SATB2: variants seen among roughly 807,000 people sequenced by gnomAD.
SATB2 encodes DNA-binding protein SATB2.
SATB2 carries 1 observed loss-of-function variant against 73.4 expected under a neutral mutation model. The observed-to-expected ratio is 0.01, with a 90% confidence interval of 0.00 to 0.06. SATB2 has a LOEUF of 0.06. SATB2 is among the 10% of genes least tolerant of loss of function. The pLI, the probability that SATB2 is intolerant of heterozygous loss-of-function variation, is 1.00. For synonymous variants in SATB2, 397 were observed against 367.0 expected (o/e 1.08, Z -0.93); for missense variants, 459 against 945.8 (o/e 0.49, Z 6.75).
intron 6 of SATB2, among the ~76,000 whole-genome samples, chr2:199,367,312 G>A (rs1000302467): frequency 2.0e-5 from 3 of 152,120 alleles, no homozygotes; most frequent in African/African-American, 7.2e-5. Context: ...AAGAATTTTA[G>A]AGTCTGTTGA....
intron 10 of SATB2, among the ~76,000 whole-genome samples, chr2:199,294,655 T>C (rs940261066): frequency 5.9e-5 from 9 of 152,302 alleles, no homozygotes; most frequent in African/African-American, 2.2e-4. Flanking sequence ...CTTGCCAGTC[T>C]TCTCTTACCA....
At chr2:199,461,454 A>G (rs1692475834), upstream of SATB2, among the ~76,000 whole-genome samples, 1 of 152,218 alleles carries the variant, frequency 6.6e-6, no homozygotes, top group Admixed American at 6.5e-5. Context: ...TATCCCTCAA[A>G]AGGTTTATTT....
At chr2:199,411,333 G>C (rs931389225) in intron 3 of SATB2, among the ~76,000 whole-genome samples, 1 of 151,994 alleles carries the variant, frequency 6.6e-6, no homozygotes, top group African/African-American at 2.4e-5. Flanking sequence ...TATGCATGAC[G>C]ATCCCCCTTA....
At chr2:199,338,810 G>A (rs575290102) in intron 7 of SATB2, among the ~76,000 whole-genome samples, 1 of 151,854 alleles carries the variant, frequency 6.6e-6, no homozygotes, top group Admixed American at 6.6e-5. Flanking sequence ...CCAGCTACTC[G>A]GGAGGCTGAG....
chr2:199,358,536 T>A (rs928360444), intron 6 of SATB2, among the ~76,000 whole-genome samples: 1 of 152,158 alleles, frequency 6.6e-6, no homozygotes, highest in Non-Finnish European at 1.5e-5. Flanking sequence ...CTAAATTTGT[T>A]CAAGAGAATT....
At chr2:199,372,066 T>C (rs2081775088) in intron 5 of SATB2, among the ~76,000 whole-genome samples, 1 of 152,088 alleles carries the variant, frequency 6.6e-6, no homozygotes, top group African/African-American at 2.4e-5. Context: ...CAAAGCTAAT[T>C]TATGAATAAT....
At chr2:199,303,828 C>T (rs756615356) in intron 10 of SATB2, among the ~76,000 whole-genome samples, 15 of 152,094 alleles carry the variant, frequency 9.9e-5, no homozygotes, top group African/African-American at 3.1e-4. Flanking sequence ...TGTCACTAAC[C>T]GAGTCTCACA....
At chr2:199,466,030 G>A (rs1356525050), upstream of SATB2, among the ~76,000 whole-genome samples, 1 of 152,144 alleles carries the variant, frequency 6.6e-6, no homozygotes, top group Non-Finnish European at 1.5e-5. Flanking sequence ...TCCACTTTTA[G>A]CTAGAAAAGT....
intron 5 of SATB2, 41 bp from the exon 6 acceptor site, chr2:199,368,748 ACTT>A (rs777683448): frequency 2.0e-5 from 24 of 1,213,400 alleles, no homozygotes; most frequent in East Asian, 7.2e-5. Context: ...AAATATGACT[ACTT>A]CTTTTTAGGG....
chr2:199,386,711 C>T (rs1372414078), intron 3 of SATB2, among the ~76,000 whole-genome samples: 5 of 4,060 alleles, frequency 1.2e-3, no homozygotes, highest in Non-Finnish European at 1.8e-3. Flanking sequence ...CGCGCGCGCG[C>T]GCGCGCACAC....
At chr2:199,373,046 G>A (rs991172340) in intron 5 of SATB2, among the ~76,000 whole-genome samples, 7 of 152,162 alleles carry the variant, frequency 4.6e-5, no homozygotes, top group Non-Finnish European at 4.4e-5. Context: ...GAACAGCAGT[G>A]TGGTACTAAG....
intron 10 of SATB2, among the ~76,000 whole-genome samples, chr2:199,286,777 C>T (rs1692701394): frequency 1.3e-5 from 2 of 152,194 alleles, no homozygotes; most frequent in Admixed American, 6.5e-5. Context: ...AAAGACCTTA[C>T]ATCTGGTTAA....
rs534313151 is a variant in SATB2 at position 199,277,905 on chromosome 2, G to T, written c.1741-5233C>A. Reference sequence around the variant, plus strand: ...GTTTAAGGTGCAGAGTTTGCAAGCAGCAGAACTGGGCTTGTCAAGCATATC... The same window carrying T: ...GTTTAAGGTGCAGAGTTTGCAAGCATCAGAACTGGGCTTGTCAAGCATATC... On this transcript the variant is annotated intron_variant, in intron 10 of 10. Coordinates refer to ENST00000417098, the MANE Select transcript of SATB2 (RefSeq NM_001172509.2). 1.1e-4 allele frequency among the ~76,000 whole-genome samples: 17 copies of T among 152,290 alleles called. 1 individual carries two copies. In the South Asian group the frequency reaches 3.5e-3, roughly 32 times the overall value.
chr2:199,283,688 A>G (rs927549462), intron 10 of SATB2, among the ~76,000 whole-genome samples: 2 of 151,884 alleles, frequency 1.3e-5, no homozygotes, highest in African/African-American at 4.8e-5. Context: ...AGCAGCACCA[A>G]ATGGTCCAGG....
At chr2:199,429,914 TA>T (rs1462793802) in intron 3 of SATB2, among the ~76,000 whole-genome samples, 1 of 152,148 alleles carries the variant, frequency 6.6e-6, no homozygotes, top group African/African-American at 2.4e-5. Flanking sequence ...CGTCTCGAAA[TA>T]AATTAATTAA....
chr2:199,350,920 C>T (rs1461900703), intron 6 of SATB2, among the ~76,000 whole-genome samples: 2 of 150,618 alleles, frequency 1.3e-5, no homozygotes, highest in South Asian at 2.1e-4. Context: ...ATATTCGGGA[C>T]GCTGAATCAG....
chr2:199,352,790 AT>A (rs899846694), intron 6 of SATB2, among the ~76,000 whole-genome samples: 73 of 151,692 alleles, frequency 4.8e-4, no homozygotes, highest in Non-Finnish European at 7.4e-4. Context: ...ATTTCTTTAG[AT>A]TTTTTTTTGA....
chr2:199,386,716 G>GCGCACACA (rs1689968284), intron 3 of SATB2, among the ~76,000 whole-genome samples: 2 of 9,220 alleles, frequency 2.2e-4, no homozygotes, highest in African/African-American at 3.2e-4. Flanking sequence ...GCGCGCGCGC[G>GCGCACACA]CACACACACA....
chr2:199,436,424 TA>T (rs200573943), intron 2 of SATB2, among the ~76,000 whole-genome samples: 3 of 149,842 alleles, frequency 2.0e-5, no homozygotes, highest in South Asian at 2.1e-4. Flanking sequence ...ATCATCTATT[TA>T]AAAAAAAACA....
Sources: gnomAD v4.1 joint callset for allele counts (sites outside exome capture counted in the v4.1 genomes callset) on GRCh38, gnomAD v4.1.1 for gene constraint, MANE v1.5 for transcripts, NCBI Gene and HGNC (gene_info 2026-07-23, HGNC 2026-07-21) for gene names.